MAP4K5: variants seen among roughly 807,000 people sequenced by gnomAD.
MAP4K5 encodes the protein mitogen-activated protein kinase kinase kinase kinase 5.
A neutral mutation model predicts 135.6 loss-of-function variants in MAP4K5; 82 were observed. That is an observed-to-expected ratio of 0.60 (90% CI 0.51 to 0.73). The LOEUF (loss-of-function observed/expected upper bound fraction) is 0.73. Ranked by LOEUF, MAP4K5 falls within the 30% of genes least tolerant of loss-of-function variation. The pLI, the probability that MAP4K5 is intolerant of heterozygous loss-of-function variation, is 0.00. For missense variants in MAP4K5, 907 were observed against 1,010.9 expected (o/e 0.90, Z 1.39); for synonymous variants, 347 against 335.0 (o/e 1.04, Z -0.39).
chr14:50,420,840 T>C (rs1167844723), intron 32 of MAP4K5, among the ~76,000 whole-genome samples: 2 of 151,802 alleles, frequency 1.3e-5, no homozygotes, highest in East Asian at 1.9e-4. Context: ...CTCTCCCTAG[T>C]TGCTGGAACA....
intron 2 of MAP4K5, among the ~76,000 whole-genome samples, chr14:50,523,487 T>C (rs972151640): frequency 3.3e-5 from 5 of 152,104 alleles, no homozygotes; most frequent in African/African-American, 1.2e-4. Context: ...AAGACTTCCT[T>C]TGATTACCCA....
intron 28 of MAP4K5, among the ~76,000 whole-genome samples, chr14:50,432,450 T>A (rs2035991234): frequency 6.6e-6 from 1 of 151,832 alleles, no homozygotes; most frequent in Admixed American, 6.6e-5. Flanking sequence ...TGACCCCAGG[T>A]CAGACAGTAG....
rs552452874 is a variant in MAP4K5, at chr14:50,491,800, C to T, written c.167-5606G>A. On this transcript the variant is annotated intron_variant, in intron 3 of 32. Transcript: ENST00000682126. Reference sequence around the variant, plus strand: ...TCCTGGGCTCAAGCAATTCTCCCACCTCAGCCTCCTAAGTAGCTGGGATTA... The same window carrying T: ...TCCTGGGCTCAAGCAATTCTCCCACTTCAGCCTCCTAAGTAGCTGGGATTA... Among the ~76,000 whole-genome samples the T allele has an allele frequency of 9.1e-4, 138 of 152,096 alleles. 1 individual carries two copies. Among genetic ancestry groups the T allele is most frequent in the Non-Finnish European group, 1.5e-3 (100 of 67,990 alleles).
Position 50,525,216 on chromosome 14 carries a change from C to T in MAP4K5, c.108+6726G>A, listed in dbSNP as rs76932611. Reference sequence around the variant, plus strand: ...ACCAGACACATTCACCTATGCAATGCCTTATGTTCAAAACCAAACACAAAA... The same window carrying T: ...ACCAGACACATTCACCTATGCAATGTCTTATGTTCAAAACCAAACACAAAA... On this transcript the variant is annotated intron_variant, in intron 2 of 32. Transcript: ENST00000682126. Among the ~76,000 whole-genome samples, 1,052 of 152,276 alleles carry T rather than the reference C, an allele frequency of 6.9e-3. 20 individuals are homozygous for T. Among genetic ancestry groups the T allele is most frequent in the East Asian group, 0.067 (349 of 5,174 alleles).
intron 10 of MAP4K5, among the ~76,000 whole-genome samples, chr14:50,467,281 T>C (rs991381772): frequency 2.6e-5 from 4 of 152,066 alleles, no homozygotes; most frequent in African/African-American, 9.7e-5. Flanking sequence ...AATCCCAGGT[T>C]TCTAAGCAAA....
chr14:50,506,700 GTTCACAT>G (rs2037817166), intron 2 of MAP4K5, among the ~76,000 whole-genome samples: 1 of 152,174 alleles, frequency 6.6e-6, no homozygotes, highest in Non-Finnish European at 1.5e-5. Context: ...TTTGTGATAA[GTTCACAT>G]TTTCCTCACT....
At chr14:50,459,283 T>C (rs2036658782) in intron 13 of MAP4K5, among the ~76,000 whole-genome samples, 1 of 152,210 alleles carries the variant, frequency 6.6e-6, no homozygotes, top group African/African-American at 2.4e-5. Context: ...TCTTAGTAAA[T>C]AGTAAATATA....
intron 1 of MAP4K5, chr14:50,542,682 C>G (rs1174161460): frequency 6.6e-6 from 1 of 152,008 alleles, no homozygotes; most frequent in Non-Finnish European, 1.5e-5. Flanking sequence ...TCTATAGGCT[C>G]ATAGCCATTT....
At chr14:50,435,973 T>C (rs1487538399) in intron 26 of MAP4K5, among the ~76,000 whole-genome samples, 1 of 152,190 alleles carries the variant, frequency 6.6e-6, no homozygotes, top group East Asian at 1.9e-4. Context: ...AATCTGATAA[T>C]AGATATTGAC....
chr14:50,494,546 AT>A (rs972757487), intron 3 of MAP4K5, among the ~76,000 whole-genome samples: 7 of 150,828 alleles, frequency 4.6e-5, no homozygotes, highest in Admixed American at 6.6e-5. Context: ...TTCTGGTAAC[AT>A]TTTTTTTTGC....
chr14:50,435,949 T>TAGATTCC (rs1367346812), intron 26 of MAP4K5, among the ~76,000 whole-genome samples: 1 of 152,192 alleles, frequency 6.6e-6, no homozygotes, highest in Non-Finnish European at 1.5e-5. Context: ...CTTTTGTGCA[T>TAGATTCC]CACAGATCTT....
At chr14:50,528,005 T>A (rs747193450) in intron 2 of MAP4K5, among the ~76,000 whole-genome samples, 18 of 152,138 alleles carry the variant, frequency 1.2e-4, no homozygotes, top group Non-Finnish European at 2.4e-4. Flanking sequence ...ATCCTTGTGG[T>A]CAGAGGTAGT....
intron 1 of MAP4K5, among the ~76,000 whole-genome samples, chr14:50,552,163 T>C (rs557420944): frequency 1.7e-4 from 26 of 152,200 alleles, no homozygotes; most frequent in Non-Finnish European, 3.1e-4. Context: ...CAGTAAAGTT[T>C]CGGGATACAA....
intron 1 of MAP4K5, among the ~76,000 whole-genome samples, chr14:50,549,671 C>T (rs751584349): frequency 6.6e-6 from 1 of 152,202 alleles, no homozygotes; most frequent in African/African-American, 2.4e-5. Flanking sequence ...AGCTCCCATT[C>T]ATGGGCCACG....
intron 1 of MAP4K5, among the ~76,000 whole-genome samples, chr14:50,544,672 A>G (rs1169347325): frequency 1.3e-5 from 2 of 152,130 alleles, no homozygotes; most frequent in African/African-American, 4.8e-5. Flanking sequence ...GGTGGCTCAC[A>G]CTTGTAATCT....
chr14:50,478,807 T>A (rs2037166236), intron 6 of MAP4K5, among the ~76,000 whole-genome samples: 2 of 152,106 alleles, frequency 1.3e-5, no homozygotes, highest in Admixed American at 1.3e-4. Flanking sequence ...TGAAAGAGAT[T>A]TTCTCTAGGA....
At chr14:50,480,132 G>A (rs77083423) in intron 6 of MAP4K5, among the ~76,000 whole-genome samples, 21 of 151,796 alleles carry the variant, frequency 1.4e-4, no homozygotes, top group Admixed American at 1.2e-3. Flanking sequence ...AATCTTGGAG[G>A]TATTCCCTTC....
At chr14:50,467,755 T>G (rs1595475172) in intron 10 of MAP4K5, among the ~76,000 whole-genome samples, 2 of 152,248 alleles carry the variant, frequency 1.3e-5, no homozygotes, top group East Asian at 3.9e-4. Context: ...GGTCTGTACT[T>G]ATCAGCATTC....
intron 14 of MAP4K5, among the ~76,000 whole-genome samples, chr14:50,451,149 A>G (rs905407827): frequency 6.6e-6 from 1 of 152,200 alleles, no homozygotes; most frequent in Non-Finnish European, 1.5e-5. Context: ...GTCTAGATCC[A>G]AAAAATGCTT....
Sources: gnomAD v4.1 joint callset for allele counts (sites outside exome capture counted in the v4.1 genomes callset) on GRCh38, gnomAD v4.1.1 for gene constraint, MANE v1.5 for transcripts, NCBI Gene and HGNC (gene_info 2026-07-23, HGNC 2026-07-21) for gene names.